The following LUZP2 variants were observed in gnomAD, a reference collection of about 807,000 sequenced individuals.
LUZP2 encodes the protein leucine zipper protein 2.
In LUZP2, 52 loss-of-function variants were observed where a neutral mutation model predicts 51.6. The ratio of observed to expected loss-of-function variants is 1.01; its 90% CI spans 0.81 to 1.27. LUZP2 has a LOEUF of 1.27. Ranked by LOEUF, LUZP2 falls within the 50% of genes most tolerant of loss-of-function variation. The pLI is 0.00. For synonymous variants in LUZP2, 154 were observed against 137.3 expected, an observed-to-expected ratio of 1.12 and a Z score of -0.85; for missense variants, 436 against 395.4, an observed-to-expected ratio of 1.10 and a Z score of -0.87.
rs79835019 is a variant in LUZP2 at position 24,701,378 on chromosome 11, T to G, written c.63-27791T>G. ...TAATCTGCTCCTGCAAAAGTGGAAA[T>G]GAAGCCAAAAAGGCAGCAGGAAAGG... On this transcript the variant is annotated intron_variant, in intron 1 of 11. Transcript: ENST00000336930. 1.2e-3 allele frequency: 194 copies of G among 167,372 alleles called. 7 individuals carry two copies. In the East Asian group the frequency reaches 0.032, roughly 28 times the overall value. 10.4% of individuals were successfully genotyped at this position (167,372 alleles called of 1,614,324 possible). A position where few individuals can be genotyped will look rare whatever the true frequency, so the allele number is the denominator to read the frequency against.
At chr11:24,897,511 G>A (rs964159241) in intron 5 of LUZP2, among the ~76,000 whole-genome samples, 7 of 151,904 alleles carry the variant, frequency 4.6e-5, no homozygotes, top group Admixed American at 6.6e-5. Context: ...AACAACTCCC[G>A]AGGCGCTGCA....
At position 24,554,542 on chromosome 11, in the gene LUZP2, G is replaced by A. The variant is rs183689445; in HGVS notation, c.62+57237G>A. Among the ~76,000 whole-genome samples, 386 of 151,930 alleles carry A rather than the reference G, an allele frequency of 2.5e-3. 1 individual carries two copies. The highest frequency in any genetic ancestry group is 8.8e-3 in the African/African-American group (365 of 41,484). On this transcript the variant is annotated intron_variant, in intron 1 of 11. Transcript: ENST00000336930. Reference sequence around the variant, plus strand: ...TTGTAAAATCCTTTGAAAATAATGCGTAATCTCTAGATGTCCTTTCTATCT... The same window carrying A: ...TTGTAAAATCCTTTGAAAATAATGCATAATCTCTAGATGTCCTTTCTATCT...
At chr11:24,810,913 A>T (rs916385930) in intron 5 of LUZP2, among the ~76,000 whole-genome samples, 7 of 152,100 alleles carry the variant, frequency 4.6e-5, no homozygotes, top group Non-Finnish European at 8.8e-5. Flanking sequence ...CAGTAGCAAG[A>T]TTGTAGCTCC....
At chr11:24,878,801 T>C (rs1158622672) in intron 5 of LUZP2, among the ~76,000 whole-genome samples, 2 of 151,796 alleles carry the variant, frequency 1.3e-5, no homozygotes, top group Non-Finnish European at 2.9e-5. Context: ...CCCTGGTGTA[T>C]GCTGTTCCCC....
chr11:24,639,298 A>T (rs1293904302), intron 1 of LUZP2, among the ~76,000 whole-genome samples: 1 of 151,336 alleles, frequency 6.6e-6, no homozygotes, highest in Non-Finnish European at 1.5e-5. Flanking sequence ...TTCTCATTAA[A>T]TTTTTATAGC....
intron 1 of LUZP2, among the ~76,000 whole-genome samples, chr11:24,601,431 T>A (rs1414959969): frequency 6.6e-6 from 1 of 152,002 alleles, no homozygotes; most frequent in African/African-American, 2.4e-5. Context: ...AACTAATGCA[T>A]ATAACTATGT....
intron 10 of LUZP2, among the ~76,000 whole-genome samples, chr11:25,070,674 T>C (rs1859129331): frequency 6.6e-6 from 1 of 151,962 alleles, no homozygotes; most frequent in African/African-American, 2.4e-5. Flanking sequence ...AATAATTGTT[T>C]TTCCATAGAT....
At chr11:24,864,754 G>A (rs969961387) in intron 5 of LUZP2, among the ~76,000 whole-genome samples, 3 of 152,180 alleles carry the variant, frequency 2.0e-5, no homozygotes, top group African/African-American at 7.2e-5. Flanking sequence ...TATGTGAATT[G>A]ATTTATGCTG....
intron 7 of LUZP2, among the ~76,000 whole-genome samples, chr11:24,917,942 T>C (rs1853851828): frequency 6.6e-6 from 1 of 152,186 alleles, no homozygotes; most frequent in African/African-American, 2.4e-5. Flanking sequence ...GCCATTTTCA[T>C]GATATTGATT....
At chr11:24,819,863 G>A (rs1291471273) in intron 5 of LUZP2, among the ~76,000 whole-genome samples, 1 of 152,012 alleles carries the variant, frequency 6.6e-6, no homozygotes. Context: ...CCACAATGAG[G>A]CTCTTCATTT....
At chr11:24,981,662 A>G (rs1856035359) in intron 8 of LUZP2, among the ~76,000 whole-genome samples, 1 of 151,882 alleles carries the variant, frequency 6.6e-6, no homozygotes, top group African/African-American at 2.4e-5. Flanking sequence ...TGAGAGTTTT[A>G]TCAGAGACAA....
intron 1 of LUZP2, among the ~76,000 whole-genome samples, chr11:24,601,877 C>CATGTATATATGTATAT (rs1190079682): frequency 9.9e-5 from 5 of 50,360 alleles, no homozygotes; most frequent in African/African-American, 2.7e-4. Context: ...TATATGTATA[C>CATGTATATATGTATAT]ATGTATATAT....
intron 1 of LUZP2, among the ~76,000 whole-genome samples, chr11:24,695,476 A>T (rs1169696226): frequency 6.6e-6 from 1 of 152,110 alleles, no homozygotes; most frequent in Non-Finnish European, 1.5e-5. Flanking sequence ...GAGAACATTT[A>T]GAATGATCTC....
intron 9 of LUZP2, among the ~76,000 whole-genome samples, chr11:25,027,818 T>C (rs2121229): frequency 0.58 from 86,750 of 149,762 alleles, 26,163 homozygotes; most frequent in African/African-American, 0.75. Context: ...TGCAGTGAGC[T>C]GAGATCACGC....
At chr11:24,708,359 C>G (rs946144008) in intron 1 of LUZP2, among the ~76,000 whole-genome samples, 1 of 152,108 alleles carries the variant, frequency 6.6e-6, no homozygotes, top group Non-Finnish European at 1.5e-5. Flanking sequence ...CACACAAAAT[C>G]AACCATTAGA....
At chr11:25,009,551 G>A (rs11028345) in intron 9 of LUZP2, among the ~76,000 whole-genome samples, 57,896 of 151,688 alleles carry the variant, frequency 0.38, 13,366 homozygotes, top group East Asian at 0.77. Flanking sequence ...TCTTTATAGC[G>A]TTTCATTTTC....
intron 5 of LUZP2, chr11:24,831,756 G>A (rs1850710742): frequency 6.6e-6 from 1 of 152,560 alleles, no homozygotes. Context: ...CAGCAGTAGT[G>A]AGAAGAGAAA....
At chr11:24,813,115 G>T (rs1590575081) in intron 5 of LUZP2, among the ~76,000 whole-genome samples, 1 of 152,064 alleles carries the variant, frequency 6.6e-6, no homozygotes, top group African/African-American at 2.4e-5. Context: ...TTTTATTTCA[G>T]ACTGACACCA....
At chr11:24,540,306 C>T (rs1223969905) in intron 1 of LUZP2, among the ~76,000 whole-genome samples, 1 of 152,074 alleles carries the variant, frequency 6.6e-6, no homozygotes, top group African/African-American at 2.4e-5. Context: ...CTTATTGAAA[C>T]TCTATCCCTC....
Sources: gnomAD v4.1 joint callset for allele counts (sites outside exome capture counted in the v4.1 genomes callset) on GRCh38, gnomAD v4.1.1 for gene constraint, MANE v1.5 for transcripts, NCBI Gene and HGNC (gene_info 2026-07-23, HGNC 2026-07-21) for gene names.